Variants in PRKCQ observed in about 807,000 individuals in gnomAD.
The protein encoded by PRKCQ is protein kinase C theta type.
PRKCQ carries 41 observed loss-of-function variants against 91.2 expected under a neutral mutation model. The ratio of observed to expected loss-of-function variants is 0.45; its 90% confidence interval spans 0.35 to 0.58. The LOEUF is 0.58. Among genes scored for constraint, PRKCQ ranks in the 20% least tolerant of loss-of-function variants. The pLI, the probability that PRKCQ is intolerant of heterozygous loss-of-function variation, is 0.00. For synonymous variants in PRKCQ, 307 were observed against 316.9 expected (o/e 0.97, Z 0.33); for missense variants, 673 against 896.5 (o/e 0.75, Z 3.18).
chr10:6,447,906 C>T (rs1834412834), intron 15 of PRKCQ, among the ~76,000 whole-genome samples: 1 of 152,172 alleles, frequency 6.6e-6, no homozygotes, highest in Admixed American at 6.5e-5. Context: ...TTCTCTAAGG[C>T]ACTGAGGAGG....
the PRKCQ span, among the ~76,000 whole-genome samples, chr10:6,417,944 G>A: frequency 1.1e-4 from 16 of 152,042 alleles, no homozygotes; most frequent in East Asian, 1.5e-3. Flanking sequence ...TCACCAACTC[G>A]CAGAGGCGCT....
intron 8 of PRKCQ, among the ~76,000 whole-genome samples, chr10:6,487,501 C>A (rs1836993919): frequency 6.6e-6 from 1 of 152,236 alleles, no homozygotes; most frequent in Non-Finnish European, 1.5e-5. Context: ...CAGCACTGGA[C>A]TCATGATCTA....
At chr10:6,441,322 A>G (rs1437626540) in intron 16 of PRKCQ, among the ~76,000 whole-genome samples, 1 of 152,128 alleles carries the variant, frequency 6.6e-6, no homozygotes, top group African/African-American at 2.4e-5. Context: ...TTGTATTTTC[A>G]GTAGAGACCG....
upstream of PRKCQ, chr10:6,580,531 G>C (rs1841443093): frequency 6.6e-6 from 1 of 152,534 alleles, no homozygotes; most frequent in African/African-American, 2.4e-5. Flanking sequence ...GCGAACTGGA[G>C]CGGGAGGCGG....
chr10:6,428,761 G>T (rs970272461), intron 17 of PRKCQ, among the ~76,000 whole-genome samples: 1 of 152,112 alleles, frequency 6.6e-6, no homozygotes. Context: ...GAGTGAGGGG[G>T]TGTGAGCGGA....
At chr10:6,563,407 C>T (rs1178998363) in intron 1 of PRKCQ, among the ~76,000 whole-genome samples, 1 of 152,112 alleles carries the variant, frequency 6.6e-6, no homozygotes, top group Non-Finnish European at 1.5e-5. Context: ...GGACAGGTCT[C>T]CATGGCCCGT....
At chr10:6,458,011 T>C (rs1048440810) in intron 14 of PRKCQ, among the ~76,000 whole-genome samples, 3 of 152,082 alleles carry the variant, frequency 2.0e-5, no homozygotes, top group African/African-American at 7.2e-5. Context: ...AGTGGCATGA[T>C]GTCAGTTCAC....
intron 1 of PRKCQ, among the ~76,000 whole-genome samples, chr10:6,567,453 G>A (rs1441705184): frequency 6.6e-6 from 1 of 152,246 alleles, no homozygotes; most frequent in Admixed American, 6.5e-5. Context: ...GTCTTGCACA[G>A]TAAGACGCGT....
At chr10:6,564,335 C>A (rs946130505) in intron 1 of PRKCQ, among the ~76,000 whole-genome samples, 1 of 152,146 alleles carries the variant, frequency 6.6e-6, no homozygotes, top group East Asian at 1.9e-4. Context: ...TAAATGGCTG[C>A]AATACTATTG....
downstream of PRKCQ, among the ~76,000 whole-genome samples, chr10:6,422,576 G>A (rs1239570357): frequency 6.6e-6 from 1 of 152,138 alleles, no homozygotes. Flanking sequence ...TTGATAAAAT[G>A]GAGACAATGA....
the PRKCQ span, among the ~76,000 whole-genome samples, chr10:6,410,976 CAAAAAAAAAAA>C: frequency 2.3e-5 from 2 of 87,554 alleles, no homozygotes; most frequent in Non-Finnish European, 4.3e-5. Context: ...GATTCCGTTT[CAAAAAAAAAAA>C]AAAAAAAAAA....
intron 1 of PRKCQ, among the ~76,000 whole-genome samples, chr10:6,552,281 T>TTCC (rs1172430064): frequency 1.3e-5 from 2 of 152,224 alleles, no homozygotes; most frequent in Non-Finnish European, 2.9e-5. Context: ...TACCTGTATA[T>TTCC]TCCTAAAAAC....
chr10:6,561,781 A>G (rs1840642300), intron 1 of PRKCQ, among the ~76,000 whole-genome samples: 1 of 152,190 alleles, frequency 6.6e-6, no homozygotes, highest in Admixed American at 6.5e-5. Flanking sequence ...TTTGCAAGTG[A>G]CAGTCGTCAG....
At chr10:6,488,835 A>G (rs1230494026) in intron 8 of PRKCQ, among the ~76,000 whole-genome samples, 2 of 152,176 alleles carry the variant, frequency 1.3e-5, no homozygotes, top group East Asian at 1.9e-4. Context: ...GCTGGAGTGC[A>G]GTGGTGCAAT....
In PRKCQ at chr10:6,580,269, C is replaced by A. The variant is rs1461986979; in HGVS notation, c.-68G>T. The A allele has an allele frequency of 1.0e-4, 6 of 57,474 alleles. No individual in the cohort carries two copies. Among genetic ancestry groups the A allele is most frequent in the African/African-American group, 2.4e-4 (6 of 25,240 alleles). The allele number at this position is 57,474 out of a possible 1,614,324, so 3.6% of individuals were successfully genotyped here. On this transcript the variant is annotated 5_prime_UTR_variant, in exon 1 of 18. Coordinates refer to ENST00000263125, the MANE Select transcript of PRKCQ (RefSeq NM_006257.5). ...GCGCTGGGACTGCGCGGGGACTGCGCGGGGACTGCGCGGGGACTGGCGGGG... is the reference window on the plus strand; with the variant it reads ...GCGCTGGGACTGCGCGGGGACTGCGAGGGGACTGCGCGGGGACTGGCGGGG...
chr10:6,514,926 A>G (rs1838675919), intron 2 of PRKCQ, 92 bp downstream of exon 2: 1 of 1,582,268 alleles, frequency 6.3e-7, no homozygotes, highest in Non-Finnish European at 8.6e-7. Flanking sequence ...CCACCAGATG[A>G]TGTCAAATGT....
At chr10:6,487,619 T>C (rs1228325261) in intron 8 of PRKCQ, among the ~76,000 whole-genome samples, 1 of 152,164 alleles carries the variant, frequency 6.6e-6, no homozygotes, top group African/African-American at 2.4e-5. Context: ...GACCAAGAGA[T>C]CCCTCTTGGA....
intron 1 of PRKCQ, among the ~76,000 whole-genome samples, chr10:6,531,423 A>G (rs1839391181): frequency 6.6e-6 from 1 of 151,106 alleles, no homozygotes; most frequent in Non-Finnish European, 1.5e-5. Context: ...TCTGGTATCT[A>G]GTAGGGTGAG....
chr10:6,507,787 G>T (rs1054255493), intron 3 of PRKCQ, among the ~76,000 whole-genome samples: 1 of 152,220 alleles, frequency 6.6e-6, no homozygotes, highest in Non-Finnish European at 1.5e-5. Context: ...GCCCTGTAAT[G>T]CTGCGTATCT....
Sources: allele counts gnomAD v4.1 joint callset (sites outside exome capture counted in the v4.1 genomes callset), GRCh38; gene constraint gnomAD v4.1.1; transcripts MANE v1.5; gene names NCBI Gene and HGNC (gene_info 2026-07-23, HGNC 2026-07-21).